ZRANB3: variants seen among roughly 807,000 people sequenced by gnomAD.
The protein encoded by ZRANB3 is DNA annealing helicase and endonuclease ZRANB3.
Under a neutral mutation model 133.8 loss-of-function variants are expected in ZRANB3, and 125 were observed. The ratio of observed to expected loss-of-function variants is 0.93; its 90% confidence interval spans 0.81 to 1.08. ZRANB3 has a LOEUF of 1.08. Among genes scored for constraint, ZRANB3 ranks in the 50% least tolerant of loss-of-function variants. ZRANB3 has a pLI of 0.00. For synonymous variants in ZRANB3, 387 were observed against 432.7 expected, an observed-to-expected ratio of 0.89 and a Z score of 1.31; for missense variants, 1,229 against 1,275.5, an observed-to-expected ratio of 0.96 and a Z score of 0.56.
At chr2:135,397,801 TCTG>T (rs1477114872) in intron 2 of ZRANB3, among the ~76,000 whole-genome samples, 1 of 152,138 alleles carries the variant, frequency 6.6e-6, no homozygotes, top group Non-Finnish European at 1.5e-5. Context: ...GCTACAGTAT[TCTG>T]CTGCTTTTAC....
chr2:135,394,182 C>T (rs2104930188), intron 2 of ZRANB3, among the ~76,000 whole-genome samples: 1 of 152,192 alleles, frequency 6.6e-6, no homozygotes, highest in Non-Finnish European at 1.5e-5. Context: ...TTATACTCAG[C>T]CGAGATACCC....
chr2:135,523,910 T>G (rs1420335761), intron 1 of ZRANB3, among the ~76,000 whole-genome samples: 1 of 152,184 alleles, frequency 6.6e-6, no homozygotes, highest in East Asian at 1.9e-4. Flanking sequence ...TTGAAGTACT[T>G]GGAGAAGGCT....
In ZRANB3 at chr2:135,410,895, A is replaced by C. The variant is rs112355482; in HGVS notation, c.162-20075T>G. On this transcript the variant is annotated intron_variant, in intron 2 of 20. Transcript: ENST00000264159. ...CTATCATTTGACGAATGCAAACTAAAACCACAATAAGATACCATCTCACAC... is the reference window on the plus strand; with the variant it reads ...CTATCATTTGACGAATGCAAACTAACACCACAATAAGATACCATCTCACAC... Among the ~76,000 whole-genome samples, 452 of 152,244 alleles carry C rather than the reference A, an allele frequency of 3.0e-3. 3 individuals are homozygous for C. Among genetic ancestry groups the C allele is most frequent in the African/African-American group, 0.01 (421 of 41,548 alleles).
At chr2:135,305,138 C>T (rs572882794) in intron 8 of ZRANB3, among the ~76,000 whole-genome samples, 10 of 152,018 alleles carry the variant, frequency 6.6e-5, no homozygotes, top group African/African-American at 1.9e-4. Context: ...CCACCGTGCC[C>T]GGCTAATGTT....
At chr2:135,368,652 A>G (rs1193837585) in intron 3 of ZRANB3, among the ~76,000 whole-genome samples, 1 of 152,028 alleles carries the variant, frequency 6.6e-6, no homozygotes, top group African/African-American at 2.4e-5. Context: ...GATTGTTGCA[A>G]CACAAAGGAT....
intron 3 of ZRANB3, among the ~76,000 whole-genome samples, chr2:135,384,777 T>G (rs1261375717): frequency 6.6e-6 from 1 of 152,158 alleles, no homozygotes; most frequent in Non-Finnish European, 1.5e-5. Context: ...GAAAAGGCCT[T>G]TGACAAAATT....
chr2:135,225,774 G>C lies in ZRANB3; in HGVS notation c.2159-1257C>G, dbSNP rs184082818. Among the ~76,000 whole-genome samples, 319 of 152,230 alleles carry C rather than the reference G, an allele frequency of 2.1e-3. 4 individuals are homozygous for C. The highest frequency in any genetic ancestry group is 7.5e-3 in the African/African-American group (310 of 41,544). ...TACAGACCAGGAAAGCATAAACTTG[G>C]TATTAAAGAAGCAAATGTGTATCAC... On this transcript the variant is annotated intron_variant, in intron 14 of 20. Transcript: ENST00000264159.
chr2:135,419,359 A>G (rs147205833), intron 2 of ZRANB3, among the ~76,000 whole-genome samples: 100 of 152,058 alleles, frequency 6.6e-4, no homozygotes, highest in Admixed American at 1.2e-3. Flanking sequence ...ATCGTAGGTT[A>G]TATGTGACAT....
intron 6 of ZRANB3, among the ~76,000 whole-genome samples, chr2:135,338,535 T>A (rs965664101): frequency 2.0e-5 from 3 of 152,238 alleles, no homozygotes; most frequent in Non-Finnish European, 4.4e-5. Flanking sequence ...GGCTACCATG[T>A]TGACAATTTC....
At chr2:135,451,700 G>A (rs1004731936) in intron 2 of ZRANB3, among the ~76,000 whole-genome samples, 1 of 151,968 alleles carries the variant, frequency 6.6e-6, no homozygotes, top group Non-Finnish European at 1.5e-5. Context: ...CAACAATGAG[G>A]AGGAAAACCA....
chr2:135,247,954 T>C (rs760000061), intron 12 of ZRANB3, among the ~76,000 whole-genome samples: 4 of 152,112 alleles, frequency 2.6e-5, no homozygotes, highest in Non-Finnish European at 5.9e-5. Flanking sequence ...CCATTCCTCC[T>C]CACTGGACAG....
At chr2:135,434,757 T>C (rs1689459694) in intron 2 of ZRANB3, among the ~76,000 whole-genome samples, 1 of 152,190 alleles carries the variant, frequency 6.6e-6, no homozygotes, top group Non-Finnish European at 1.5e-5. Flanking sequence ...TATAAACTAA[T>C]CTAAGCTGAA....
intron 2 of ZRANB3, among the ~76,000 whole-genome samples, chr2:135,449,615 A>G (rs1266214806): frequency 1.3e-5 from 2 of 152,162 alleles, no homozygotes; most frequent in African/African-American, 4.8e-5. Flanking sequence ...GTGAGATTCC[A>G]TCTCAAAAAA....
At chr2:135,468,744 C>T (rs947296749) in intron 2 of ZRANB3, among the ~76,000 whole-genome samples, 2 of 151,958 alleles carry the variant, frequency 1.3e-5, no homozygotes, top group African/African-American at 2.4e-5. Context: ...GAGTTTTTGC[C>T]CATAGAACTT....
intron 2 of ZRANB3, among the ~76,000 whole-genome samples, chr2:135,443,007 T>C (rs958587691): frequency 6.6e-6 from 1 of 151,798 alleles, no homozygotes; most frequent in African/African-American, 2.4e-5. Flanking sequence ...TCCCAGCTAC[T>C]TGGGAGGCTG....
chr2:135,267,348 TATA>T (rs1333497143), intron 11 of ZRANB3, among the ~76,000 whole-genome samples: 1 of 152,060 alleles, frequency 6.6e-6, no homozygotes, highest in Non-Finnish European at 1.5e-5. Flanking sequence ...TTCCTCTTCC[TATA>T]AAGCCACCAG....
chr2:135,326,648 T>C (rs1683844365), intron 6 of ZRANB3, among the ~76,000 whole-genome samples: 1 of 151,962 alleles, frequency 6.6e-6, no homozygotes, highest in Non-Finnish European at 1.5e-5. Flanking sequence ...ATGCCTGTAA[T>C]CCCAGCACTT....
At chr2:135,447,958 T>C (rs1453117270) in intron 2 of ZRANB3, among the ~76,000 whole-genome samples, 3 of 152,172 alleles carry the variant, frequency 2.0e-5, no homozygotes. Flanking sequence ...GAAAGCCCAT[T>C]TAGTTAGAGT....
At chr2:135,436,492 A>G (rs1486369355) in intron 2 of ZRANB3, among the ~76,000 whole-genome samples, 1 of 152,240 alleles carries the variant, frequency 6.6e-6, no homozygotes, top group Non-Finnish European at 1.5e-5. Context: ...GAGCCAAATC[A>G]GAAAGGCAAT....
Sources: allele counts gnomAD v4.1 joint callset (sites outside exome capture counted in the v4.1 genomes callset), GRCh38; gene constraint gnomAD v4.1.1; transcripts MANE v1.5; gene names NCBI Gene and HGNC (gene_info 2026-07-23, HGNC 2026-07-21).